The following ADD3 variants were observed in gnomAD, a reference collection of about 807,000 sequenced individuals.
ADD3 encodes the protein adducin 3, also known as gamma-adducin.
Under a neutral mutation model 80.2 loss-of-function variants are expected in ADD3, and 25 were observed. That is an observed-to-expected ratio of 0.31 (90% CI 0.23 to 0.44). The LOEUF (loss-of-function observed/expected upper bound fraction) is 0.44. Among genes scored for constraint, ADD3 ranks in the 20% least tolerant of loss-of-function variants. The pLI, the probability that ADD3 is intolerant of heterozygous loss-of-function variation, is 1.00. For missense variants in ADD3, 829 were observed against 847.5 expected (o/e 0.98, Z 0.27); for synonymous variants, 284 against 289.6 (o/e 0.98, Z 0.20).
At chr10:110,103,462 C>T (rs1849068086) in intron 2 of ADD3, among the ~76,000 whole-genome samples, 1 of 152,172 alleles carries the variant, frequency 6.6e-6, no homozygotes, top group South Asian at 2.1e-4. Context: ...TGGCTGTTGG[C>T]AAAAGACCAC....
chr10:110,116,265 G>A lies in ADD3; in HGVS notation c.341G>A (p.Gly114Asp). Residue 114 changes from glycine to aspartate, a missense_variant, in exon 4 of 15, where the codon GGC (glycine) becomes GAC (aspartate). By Grantham distance (94) the Gly-to-Asp change is moderately conservative. Transcript: ENST00000356080. ...SGFSSPPLSL[G>D]MVTPINDLPG... is the part of the protein sequence containing the mutation. Reference sequence around the variant, plus strand: ...ACATTTTTTGCTCTTTTAGGTCTTGGCATGGTCACACCTATCAATGACCTT... The same window carrying A: ...ACATTTTTTGCTCTTTTAGGTCTTGACATGGTCACACCTATCAATGACCTT... 6.2e-7 allele frequency: 1 copy of A among 1,613,690 alleles called. No individual in the cohort carries two copies. Among genetic ancestry groups the A allele is most frequent in the Non-Finnish European group, 8.5e-7 (1 of 1,179,860 alleles).
At chr10:110,062,043 A>G (rs1276155505) in intron 1 of ADD3, among the ~76,000 whole-genome samples, 1 of 151,886 alleles carries the variant, frequency 6.6e-6, no homozygotes, top group African/African-American at 2.4e-5. Flanking sequence ...CCTGGGCAAC[A>G]GGAGGACACC....
rs143579523 is a variant in ADD3, at chr10:110,057,149, A to G, written c.-29-43476A>G. Among the ~76,000 whole-genome samples, 579 of 152,080 alleles carry G rather than the reference A, an allele frequency of 3.8e-3. 10 individuals are homozygous for G. The highest frequency in any genetic ancestry group is 0.023 in the Admixed American group (352 of 15,270). On this transcript the variant is annotated intron_variant, in intron 1 of 14. Transcript: ENST00000356080. Reference sequence around the variant, plus strand: ...CCCAGTGCATTTTTTCATACCCCCAATTCTCCCCATATCAACCCTTTCTCT... The same window carrying G: ...CCCAGTGCATTTTTTCATACCCCCAGTTCTCCCCATATCAACCCTTTCTCT...
At chr10:110,077,814 C>T (rs1425038208) in intron 1 of ADD3, among the ~76,000 whole-genome samples, 1 of 152,000 alleles carries the variant, frequency 6.6e-6, no homozygotes, top group Admixed American at 6.6e-5. Context: ...TTCCCCCTCA[C>T]ACACTGAGTT....
intron 14 of ADD3, 191 bp downstream of exon 14, chr10:110,132,591 G>T: frequency 3.7e-6 from 2 of 546,752 alleles, no homozygotes; most frequent in South Asian, 4.7e-5. Context: ...CATTTATATT[G>T]ATTTACCTTA....
chr10:110,114,659 A>G (rs1182717358), intron 3 of ADD3, among the ~76,000 whole-genome samples: 1 of 152,218 alleles, frequency 6.6e-6, no homozygotes, highest in Admixed American at 6.5e-5. Flanking sequence ...GCCTATAGGA[A>G]TGGTAATATC....
chr10:110,080,360 G>A (rs1164589155), intron 1 of ADD3, among the ~76,000 whole-genome samples: 1 of 152,088 alleles, frequency 6.6e-6, no homozygotes, highest in Non-Finnish European at 1.5e-5. Flanking sequence ...TTGGAATATT[G>A]ATTTAAACTG....
chr10:110,097,640 CAATT>C (rs1018713557), intron 1 of ADD3, among the ~76,000 whole-genome samples: 1 of 152,096 alleles, frequency 6.6e-6, no homozygotes, highest in Non-Finnish European at 1.5e-5. Flanking sequence ...TAAATTTCAC[CAATT>C]GTCTCACTGA....
chr10:110,087,604 G>T (rs1413244556), intron 1 of ADD3, among the ~76,000 whole-genome samples: 2 of 152,180 alleles, frequency 1.3e-5, no homozygotes, highest in Non-Finnish European at 2.9e-5. Flanking sequence ...TCATGCCATT[G>T]TGGAAAACCA....
intron 1 of ADD3, among the ~76,000 whole-genome samples, chr10:109,996,941 C>T (rs951236888): frequency 1.3e-5 from 2 of 152,204 alleles, no homozygotes; most frequent in Non-Finnish European, 2.9e-5. Context: ...TGTGTTACTA[C>T]TCCCAGGAAG....
intron 1 of ADD3, among the ~76,000 whole-genome samples, chr10:110,097,932 G>A (rs1483798454): frequency 6.6e-6 from 1 of 151,832 alleles, no homozygotes; most frequent in Non-Finnish European, 1.5e-5. Context: ...CTGCCACCAC[G>A]CCTGGCTAAT....
chr10:110,125,799 C>A, intron 10 of ADD3, 27 bp from the exon 11 acceptor site: 2 of 1,546,734 alleles, frequency 1.3e-6, no homozygotes, highest in Middle Eastern at 2.1e-4. Flanking sequence ...CACAAAGCTT[C>A]ATTTTAGAAA....
intron 1 of ADD3, among the ~76,000 whole-genome samples, chr10:110,019,860 C>T (rs1037889970): frequency 5.3e-5 from 8 of 152,124 alleles, no homozygotes; most frequent in Non-Finnish European, 2.9e-5. Context: ...CCATGAAGGT[C>T]CTTGGCTCTA....
Position 110,133,624 on chromosome 10 carries a change from G to A in ADD3, c.*6G>A, listed in dbSNP as rs755675837. On this transcript the variant is annotated 3_prime_UTR_variant, in exon 15 of 15. Transcript: ENST00000356080. ...AGGAGAAAGTTGAGGCCTAAATAAA[G>A]TCTTTTTATAATTATTATTATAACA... 3.2e-6 allele frequency: 5 copies of A among 1,553,968 alleles called. No homozygotes were observed. In the South Asian group the frequency reaches 6.1e-5, roughly 19 times the overall value.
rs145836242 is a variant in ADD3 at position 110,129,450 on chromosome 10, A to G, written c.1609-913A>G. The stretch of plus-strand genomic sequence containing the variant: ...AGGTGTGAGCCACCGCGCCCAGCCT[A>G]GTTTTTCTTTCTCAAGCCTCTGATC... On this transcript the variant is annotated intron_variant, in intron 12 of 14. Coordinates refer to ENST00000356080, the MANE Select transcript of ADD3 (RefSeq NM_016824.5). Among the ~76,000 whole-genome samples the G allele has an allele frequency of 5.7e-3, 871 of 152,138 alleles. 6 individuals carry two copies. Among genetic ancestry groups the G allele is most frequent in the Non-Finnish European group, 8.4e-3 (569 of 67,950 alleles).
intron 2 of ADD3, among the ~76,000 whole-genome samples, chr10:110,103,070 T>C (rs1257189129): frequency 2.0e-5 from 3 of 152,188 alleles, no homozygotes; most frequent in Non-Finnish European, 2.9e-5. Flanking sequence ...TATTTTTTTT[T>C]CCTAGATCTT....
chr10:110,017,990 C>G (rs764136874), intron 1 of ADD3, among the ~76,000 whole-genome samples: 10 of 152,048 alleles, frequency 6.6e-5, no homozygotes, highest in South Asian at 2.1e-4. Context: ...ACCCAGTCAC[C>G]CTTAGGGCTT....
intron 1 of ADD3, among the ~76,000 whole-genome samples, chr10:110,093,997 C>T (rs1445966129): frequency 6.6e-6 from 1 of 152,248 alleles, no homozygotes; most frequent in Admixed American, 6.5e-5. Flanking sequence ...TTAGTGAGTA[C>T]TTTTTAATAT....
At chr10:110,043,414 G>A (rs1856584988) in intron 1 of ADD3, among the ~76,000 whole-genome samples, 3 of 152,046 alleles carry the variant, frequency 2.0e-5, no homozygotes, top group Non-Finnish European at 2.9e-5. Context: ...GATGTTTCTA[G>A]ATATTTCACT....
Sources: allele counts gnomAD v4.1 joint callset (sites outside exome capture counted in the v4.1 genomes callset), GRCh38; gene constraint gnomAD v4.1.1; transcripts MANE v1.5; gene names NCBI Gene and HGNC (gene_info 2026-07-23, HGNC 2026-07-21).